RPS6KA5: variants seen among roughly 807,000 people sequenced by gnomAD.
RPS6KA5 encodes ribosomal protein S6 kinase A5, also known as ribosomal protein S6 kinase alpha-5.
RPS6KA5 carries 27 observed loss-of-function variants against 85.5 expected under a neutral mutation model. The observed-to-expected ratio is 0.32, with a 90% CI of 0.23 to 0.44. The LOEUF is 0.44. Ranked by LOEUF, RPS6KA5 falls within the 20% of genes least tolerant of loss-of-function variation. RPS6KA5 has a pLI of 1.00. For missense variants in RPS6KA5, 811 were observed against 980.9 expected, an observed-to-expected ratio of 0.83 and a Z score of 2.31; for synonymous variants, 334 against 348.2, an observed-to-expected ratio of 0.96 and a Z score of 0.46.
intron 1 of RPS6KA5, among the ~76,000 whole-genome samples, chr14:91,033,947 T>C (rs1316952385): frequency 3.3e-5 from 5 of 152,178 alleles, no homozygotes; most frequent in South Asian, 2.1e-4. Flanking sequence ...ATGAATACAA[T>C]ACACCTAACA....
rs777977577 is a variant in RPS6KA5 at position 90,894,491 on chromosome 14, G to A, written c.1566C>T (p.Ser522=). The part of the protein sequence containing the change: ...KKKHFSETEA[S]YIMRKLVSAV... ...CTGAAACAAGCTTCCTCATGATGTA[G>A]CTGGCTTCCGTCTCACTGAAGTGCT... The change falls in exon 13 of 17, where the codon AGC becomes AGT. Residue 522 remains serine, a synonymous_variant. Transcript: ENST00000614987. 3.1e-6 allele frequency: 5 copies of A among 1,614,116 alleles called. No individual in the cohort carries two copies. The highest frequency in any genetic ancestry group is 1.3e-5 in the African/African-American group (1 of 75,020).
chr14:90,966,273 T>C (rs1235885309), intron 3 of RPS6KA5, among the ~76,000 whole-genome samples: 1 of 152,208 alleles, frequency 6.6e-6, no homozygotes, highest in Non-Finnish European at 1.5e-5. Context: ...ACTATCATCA[T>C]GTTGTTGAGT....
intron 5 of RPS6KA5, among the ~76,000 whole-genome samples, chr14:90,929,993 C>A (rs1455766497): frequency 6.6e-6 from 1 of 152,054 alleles, no homozygotes; most frequent in Non-Finnish European, 1.5e-5. Context: ...GCCTCAGCTT[C>A]CCGAGCAGCT....
At chr14:90,878,740 A>G (rs570648330) in intron 14 of RPS6KA5, among the ~76,000 whole-genome samples, 25 of 152,332 alleles carry the variant, frequency 1.6e-4, no homozygotes, top group African/African-American at 6.0e-4. Context: ...TGCACCACTA[A>G]GAAGCGGGAA....
intron 1 of RPS6KA5, among the ~76,000 whole-genome samples, chr14:91,041,095 G>A (rs1267913486): frequency 2.6e-5 from 4 of 152,126 alleles, no homozygotes; most frequent in Admixed American, 6.6e-5. Flanking sequence ...AGACTCAAAT[G>A]TGTTTGTGGG....
chr14:91,015,509 T>C (rs550447452), intron 1 of RPS6KA5, among the ~76,000 whole-genome samples: 20 of 152,346 alleles, frequency 1.3e-4, no homozygotes, highest in Non-Finnish European at 2.5e-4. Flanking sequence ...AAAGTACTAT[T>C]TCCAAGGATA....
chr14:91,017,485 T>A (rs2041553375), intron 1 of RPS6KA5, among the ~76,000 whole-genome samples: 1 of 152,200 alleles, frequency 6.6e-6, no homozygotes, highest in African/African-American at 2.4e-5. Flanking sequence ...GGTCTTACCA[T>A]GTTCTCCACC....
At chr14:90,993,470 G>A (rs1042627804) in intron 2 of RPS6KA5, among the ~76,000 whole-genome samples, 2 of 152,044 alleles carry the variant, frequency 1.3e-5, no homozygotes, top group Non-Finnish European at 2.9e-5. Context: ...GCAAGACTCC[G>A]TCTCAAAAAG....
Position 90,947,553 on chromosome 14 carries a change from A to G in RPS6KA5, c.395-3T>C. 1 of 1,506,702 alleles carries G rather than the reference A, an allele frequency of 6.6e-7. No individual in the cohort carries two copies. The highest frequency in any genetic ancestry group is 1.7e-5 in the Admixed American group (1 of 57,440). 93.3% of individuals were successfully genotyped at this position (1,506,702 alleles called of 1,614,324 possible). On this transcript the variant is annotated splice_polypyrimidine_tract_variant and splice_region_variant and intron_variant, in intron 3 of 16. Transcript: ENST00000614987. ...AAGTTCACCACCATTTATATAATCT[A>G]AAAATGAAATACATTTTTCTTTCTT...
At chr14:90,877,462 C>T (rs950291499) in intron 14 of RPS6KA5, among the ~76,000 whole-genome samples, 2 of 152,166 alleles carry the variant, frequency 1.3e-5, no homozygotes, top group East Asian at 1.9e-4. Context: ...CCACCTGCCC[C>T]CAACCTCACT....
chr14:90,883,451 C>G (rs2033985608), intron 14 of RPS6KA5, among the ~76,000 whole-genome samples: 1 of 152,154 alleles, frequency 6.6e-6, no homozygotes, highest in Non-Finnish European at 1.5e-5. Flanking sequence ...AGTTACTGTA[C>G]TTTTCAGCTC....
intron 1 of RPS6KA5, among the ~76,000 whole-genome samples, chr14:91,058,295 A>G (rs1382945740): frequency 6.6e-6 from 1 of 152,224 alleles, no homozygotes; most frequent in East Asian, 1.9e-4. Context: ...CATCCATCAG[A>G]AAAATTTCTA....
intron 1 of RPS6KA5, among the ~76,000 whole-genome samples, chr14:91,008,653 G>A (rs568125494): frequency 5.1e-4 from 77 of 152,264 alleles, no homozygotes; most frequent in African/African-American, 1.7e-3. Flanking sequence ...ATGTTACTAC[G>A]AGAGAATAAT....
Position 90,852,808 on chromosome 14 carries a change from C to T in RPS6KA5, c.*19266G>A, listed in dbSNP as rs2032074581. On this transcript the variant is annotated 3_prime_UTR_variant, in exon 17 of 17. Coordinates refer to ENST00000614987, the MANE Select transcript of RPS6KA5 (RefSeq NM_004755.4). ...GCAGTGGCGCGATCTCGGCTCACTA[C>T]AAGCTCCGCCTCCCGGGTTCATGCC... 7.0e-6 allele frequency: 1 copy of T among 142,758 alleles called. No homozygotes were observed. The highest frequency in any genetic ancestry group is 1.5e-5 in the Non-Finnish European group (1 of 66,448). The allele number at this position is 142,758 out of a possible 1,614,324, so 8.8% of individuals were successfully genotyped here. A position where few individuals can be genotyped will look rare whatever the true frequency, so the allele number is the denominator to read the frequency against.
At chr14:91,004,380 C>T (rs2040918594) in intron 1 of RPS6KA5, among the ~76,000 whole-genome samples, 1 of 152,056 alleles carries the variant, frequency 6.6e-6, no homozygotes, top group Non-Finnish European at 1.5e-5. Flanking sequence ...CTTTCTTAAT[C>T]TCACCTGGGA....
At chr14:90,966,759 A>G (rs2039082811) in intron 3 of RPS6KA5, among the ~76,000 whole-genome samples, 1 of 152,238 alleles carries the variant, frequency 6.6e-6, no homozygotes, top group Non-Finnish European at 1.5e-5. Context: ...ATGAGTAAAC[A>G]TGTAATATTG....
At chr14:90,915,246 C>T (rs1016380498) in intron 7 of RPS6KA5, among the ~76,000 whole-genome samples, 1 of 152,162 alleles carries the variant, frequency 6.6e-6, no homozygotes, top group Non-Finnish European at 1.5e-5. Flanking sequence ...TTGAAGATGG[C>T]CCCAATGATC....
intron 16 of RPS6KA5, among the ~76,000 whole-genome samples, chr14:90,873,106 C>CTA (rs1471365590): frequency 2.6e-5 from 4 of 152,202 alleles, no homozygotes; most frequent in African/African-American, 9.7e-5. Flanking sequence ...TCATCTTATA[C>CTA]TATACTTCAC....
At chr14:90,915,022 G>A (rs2036036317) in intron 7 of RPS6KA5, among the ~76,000 whole-genome samples, 1 of 152,164 alleles carries the variant, frequency 6.6e-6, no homozygotes, top group South Asian at 2.1e-4. Context: ...TGAGAATCAA[G>A]GAGGCTTTAT....
Sources: gnomAD v4.1 joint callset for allele counts (sites outside exome capture counted in the v4.1 genomes callset) on GRCh38, gnomAD v4.1.1 for gene constraint, MANE v1.5 for transcripts, NCBI Gene and HGNC (gene_info 2026-07-23, HGNC 2026-07-21) for gene names.